Variants in ZFYVE9 observed in about 807,000 individuals in gnomAD.
The protein encoded by ZFYVE9 is zinc finger FYVE domain-containing protein 9.
A neutral mutation model predicts 126.7 loss-of-function variants in ZFYVE9; 43 were observed. That is an observed-to-expected ratio of 0.34 (90% CI 0.27 to 0.44). The LOEUF (loss-of-function observed/expected upper bound fraction) is 0.44. Ranked by LOEUF, ZFYVE9 falls within the 20% of genes least tolerant of loss-of-function variation. The pLI is 1.00. For missense variants in ZFYVE9, 1,476 were observed against 1,697.0 expected (o/e 0.87, Z 2.29); for synonymous variants, 521 against 597.4 (o/e 0.87, Z 1.87).
At chr1:52,160,936 C>G (rs546147853) in intron 1 of ZFYVE9, among the ~76,000 whole-genome samples, 2 of 152,310 alleles carry the variant, frequency 1.3e-5, no homozygotes, top group South Asian at 4.1e-4. Context: ...ATAATCCCCA[C>G]TCTCCTTATT....
At chr1:52,223,727 A>G (rs1645144999) in intron 2 of ZFYVE9, among the ~76,000 whole-genome samples, 1 of 151,624 alleles carries the variant, frequency 6.6e-6, no homozygotes, top group Admixed American at 6.6e-5. Flanking sequence ...TGATTCCCAA[A>G]TCCCTTTAAT....
chr1:52,220,099 A>T (rs761334925), intron 2 of ZFYVE9, among the ~76,000 whole-genome samples: 3 of 152,068 alleles, frequency 2.0e-5, no homozygotes, highest in Non-Finnish European at 4.4e-5. Context: ...TTTGAGGGGC[A>T]GTTTGGATTC....
chr1:52,280,610 G>A (rs1249389640), intron 9 of ZFYVE9, among the ~76,000 whole-genome samples: 1 of 152,088 alleles, frequency 6.6e-6, no homozygotes, highest in Non-Finnish European at 1.5e-5. Flanking sequence ...AAAGTGTCAA[G>A]GATTAAACAT....
intron 10 of ZFYVE9, among the ~76,000 whole-genome samples, chr1:52,284,638 C>G (rs1443784234): frequency 6.6e-6 from 1 of 152,122 alleles, no homozygotes; most frequent in Admixed American, 6.5e-5. Context: ...CCAGGCTGAT[C>G]TTGATTTCCT....
At chr1:52,198,538 G>A (rs919163191) in intron 1 of ZFYVE9, among the ~76,000 whole-genome samples, 2 of 152,096 alleles carry the variant, frequency 1.3e-5, no homozygotes, top group African/African-American at 2.4e-5. Context: ...CTAAATGCTC[G>A]CAAAGAGTTG....
At chr1:52,180,293 C>T (rs1644685267) in intron 1 of ZFYVE9, 1 of 1,594,428 alleles carries the variant, frequency 6.3e-7, no homozygotes, top group African/African-American at 1.3e-5. Flanking sequence ...TTTCAACAAC[C>T]TGCATACCCA....
chr1:52,162,617 A>G (rs10888748), intron 1 of ZFYVE9: 200,929 of 254,796 alleles, frequency 0.79, 84,601 homozygotes, highest in Non-Finnish European at 0.89. Flanking sequence ...AACATACTTC[A>G]CGAAGATCTC....
intron 8 of ZFYVE9, among the ~76,000 whole-genome samples, chr1:52,276,001 G>A (rs997449246): frequency 6.9e-6 from 1 of 145,590 alleles, no homozygotes; most frequent in Admixed American, 7.1e-5. Context: ...TCCGCCTCCC[G>A]GGTTCAAGCA....
At chr1:52,285,033 C>G (rs1004939119) in intron 10 of ZFYVE9, among the ~76,000 whole-genome samples, 1 of 152,088 alleles carries the variant, frequency 6.6e-6, no homozygotes, top group African/African-American at 2.4e-5. Context: ...TAATTTAATA[C>G]AAACTCTTCA....
chr1:52,178,715 T>C (rs138267456), intron 1 of ZFYVE9, among the ~76,000 whole-genome samples: 2 of 152,268 alleles, frequency 1.3e-5, no homozygotes, highest in African/African-American at 2.4e-5. Flanking sequence ...AGGGTTATCA[T>C]TGGGGAAACT....
At chr1:52,162,355 G>A (rs941788327) in intron 1 of ZFYVE9, 16 of 369,804 alleles carry the variant, frequency 4.3e-5, no homozygotes, top group South Asian at 1.1e-4. Context: ...CTCCACTGCC[G>A]CCTTTGCCAC....
In ZFYVE9 at chr1:52,263,757, C is replaced by CT. The variant is rs112500741; in HGVS notation, c.2179-16_2179-15insT. Reference sequence around the variant, plus strand: ...CAAGTAAATTTTGTGTGTTCTTCCCCCCCCCCCCCCCACAGGTTTTCTGTG... The same window carrying CT: ...CAAGTAAATTTTGTGTGTTCTTCCCCTCCCCCCCCCCCACAGGTTTTCTGTG... On this transcript the variant is annotated splice_polypyrimidine_tract_variant and intron_variant, in intron 4 of 18. Transcript: ENST00000287727. The CT allele has an allele frequency of 6.3e-6, 4 of 634,674 alleles. No homozygotes were observed. The African/African-American group carries it at 1.0e-4, about 16-fold the overall frequency. The allele number at this position is 634,674 out of a possible 1,614,324, so 39.3% of individuals were successfully genotyped here.
intron 2 of ZFYVE9, among the ~76,000 whole-genome samples, chr1:52,223,683 T>C (rs1645144794): frequency 6.6e-6 from 1 of 152,168 alleles, no homozygotes; most frequent in African/African-American, 2.4e-5. Flanking sequence ...TTGTTGTACA[T>C]TAAATGCTCA....
At chr1:52,272,862 A>T (rs1645708113) in intron 7 of ZFYVE9, among the ~76,000 whole-genome samples, 1 of 151,782 alleles carries the variant, frequency 6.6e-6, no homozygotes, top group South Asian at 2.1e-4. Flanking sequence ...GGATTTCACC[A>T]TATTGGCCAG....
At chr1:52,189,823 G>A (rs1428603951) in intron 1 of ZFYVE9, 2 of 152,070 alleles carry the variant, frequency 1.3e-5, no homozygotes, top group East Asian at 3.8e-4. Flanking sequence ...TGTATATGGT[G>A]TGAGGTAGGT....
intron 4 of ZFYVE9, among the ~76,000 whole-genome samples, chr1:52,248,788 A>G (rs1192180634): frequency 6.6e-6 from 1 of 152,240 alleles, no homozygotes; most frequent in East Asian, 1.9e-4. Context: ...ACCCAGAAGT[A>G]GAATTGCTGG....
At chr1:52,264,600 G>A (rs1645615130) in intron 5 of ZFYVE9, among the ~76,000 whole-genome samples, 2 of 152,162 alleles carry the variant, frequency 1.3e-5, no homozygotes, top group Non-Finnish European at 2.9e-5. Context: ...CTCTTTGAAT[G>A]CATCTTTGTA....
At chr1:52,340,318 G>A in intron 17 of ZFYVE9, 87 bp downstream of exon 17, 1 of 941,084 alleles carries the variant, frequency 1.1e-6, no homozygotes, top group Non-Finnish European at 1.7e-6. Context: ...TGACTTTGTA[G>A]GATAAGAAAA....
intron 1 of ZFYVE9, among the ~76,000 whole-genome samples, chr1:52,213,625 C>CTGG (rs994926090): frequency 6.6e-6 from 1 of 151,942 alleles, no homozygotes; most frequent in Non-Finnish European, 1.5e-5. Flanking sequence ...GCACTCCAGC[C>CTGG]TGGCGACAGA....
Sources: allele counts gnomAD v4.1 joint callset (sites outside exome capture counted in the v4.1 genomes callset), GRCh38; gene constraint gnomAD v4.1.1; transcripts MANE v1.5; gene names NCBI Gene and HGNC (gene_info 2026-07-23, HGNC 2026-07-21).